Variants in PMEPA1 observed in about 807,000 individuals in gnomAD.
PMEPA1 encodes the protein protein TMEPAI.
PMEPA1 carries 11 observed loss-of-function variants against 23.0 expected under a neutral mutation model. That is an observed-to-expected ratio of 0.48 (90% CI 0.30 to 0.79). The LOEUF (loss-of-function observed/expected upper bound fraction) is 0.79. PMEPA1 is among the 30% of genes least tolerant of loss of function. PMEPA1 has a pLI of 0.06. For synonymous variants in PMEPA1, 204 were observed against 166.4 expected (o/e 1.23, Z -1.74); for missense variants, 377 against 390.9 (o/e 0.96, Z 0.30).
intron 1 of PMEPA1, among the ~76,000 whole-genome samples, chr20:57,674,756 C>T (rs901528387): frequency 2.6e-5 from 4 of 152,220 alleles, no homozygotes; most frequent in African/African-American, 9.7e-5. Flanking sequence ...ATATATTTAT[C>T]GTGCCCCTGC....
Position 57,649,521 on chromosome 20 carries a change from T to A in PMEPA1, c.*2532A>T, listed in dbSNP as rs1237476839. The A allele has an allele frequency of 3.9e-5, 6 of 152,378 alleles. No individual in the cohort carries two copies. The South Asian group carries it at 8.3e-4, about 21-fold the overall frequency. 9.4% of individuals were successfully genotyped at this position (152,378 alleles called of 1,614,324 possible). On this transcript the variant is annotated 3_prime_UTR_variant, in exon 4 of 4. Coordinates refer to ENST00000341744, the MANE Select transcript of PMEPA1 (RefSeq NM_020182.5). ...TCCTCCCCTTTCTCACGCAAAGCCA[T>A]TCCCACAAATCCAGACCATACCATG...
rs553876417 is a variant in PMEPA1, at chr20:57,674,280, T to C, written c.110-14583A>G. ...TCATTCTCTCCCCCCTCCTTCCATGTGCTGGCACCAAGGAACGGCCATGTG... is the reference window on the plus strand; with the variant it reads ...TCATTCTCTCCCCCCTCCTTCCATGCGCTGGCACCAAGGAACGGCCATGTG... On this transcript the variant is annotated intron_variant, in intron 1 of 3. Coordinates refer to ENST00000341744, the MANE Select transcript of PMEPA1 (RefSeq NM_020182.5). 5.9e-5 allele frequency among the ~76,000 whole-genome samples: 9 copies of C among 152,306 alleles called. No individual in the cohort carries two copies. In the East Asian group the frequency reaches 1.7e-3, roughly 29 times the overall value.
At chr20:57,707,248 T>C (rs1034609056) in intron 1 of PMEPA1, among the ~76,000 whole-genome samples, 43 of 152,184 alleles carry the variant, frequency 2.8e-4, no homozygotes, top group African/African-American at 1.0e-3. Context: ...CCTTCCCTCC[T>C]TCCTTCCTAT....
chr20:57,695,095 T>C (rs1018298694), intron 1 of PMEPA1, among the ~76,000 whole-genome samples: 2 of 152,256 alleles, frequency 1.3e-5, no homozygotes, highest in African/African-American at 4.8e-5. Flanking sequence ...AGGTCCACGC[T>C]GTCTGGGAGG....
At chr20:57,693,092 C>T (rs1287317037) in intron 1 of PMEPA1, among the ~76,000 whole-genome samples, 4 of 152,222 alleles carry the variant, frequency 2.6e-5, no homozygotes, top group African/African-American at 7.2e-5. Flanking sequence ...CGGGAGTGGC[C>T]GCCTCGCTCT....
chr20:57,659,380 C>T (rs949550036), intron 2 of PMEPA1, among the ~76,000 whole-genome samples, 163 bp downstream of exon 2: 3 of 152,250 alleles, frequency 2.0e-5, no homozygotes, highest in African/African-American at 7.2e-5. Flanking sequence ...GCTTTCCTCC[C>T]ATTTCAGGGG....
intron 1 of PMEPA1, 91 bp downstream of exon 1, chr20:57,709,383 C>T (rs2146722016): frequency 1.1e-6 from 1 of 921,508 alleles, no homozygotes; most frequent in Non-Finnish European, 1.3e-6. Flanking sequence ...CGAGGGGGCG[C>T]GCAGGGCCCG....
chr20:57,652,759 G>C lies in PMEPA1; in HGVS notation c.319-161C>G, dbSNP rs192201837. Among the ~76,000 whole-genome samples the C allele has an allele frequency of 3.9e-5, 6 of 152,080 alleles. No homozygotes were observed. Among genetic ancestry groups the C allele is most frequent in the Non-Finnish European group, 8.8e-5 (6 of 67,978 alleles). On this transcript the variant is annotated intron_variant, in intron 3 of 3. Transcript: ENST00000341744. This position sits in a 1 kb window ranked among gnomAD's most constrained non-coding sequence, Gnocchi z 6.1. ...GCGGGAGCCCAGAGCCTGATCCCGCGGGGGCCCTGGCCTGGGGGGCAGCAC... is the reference window on the plus strand; with the variant it reads ...GCGGGAGCCCAGAGCCTGATCCCGCCGGGGCCCTGGCCTGGGGGGCAGCAC...
intron 1 of PMEPA1, 21 bp from the exon 2 acceptor site, chr20:57,659,718 A>AC (rs1469666998): frequency 1.3e-6 from 2 of 1,555,084 alleles, no homozygotes; most frequent in East Asian, 2.4e-5. Flanking sequence ...AAAGAGGGAC[A>AC]CGTGAGACCC....
At position 57,651,698 on chromosome 20, in the gene PMEPA1, G is replaced by A. The variant is rs2071230873; in HGVS notation, c.*355C>T. The A allele has an allele frequency of 6.4e-6, 1 of 156,382 alleles. No homozygotes were observed. The highest frequency in any genetic ancestry group is 6.5e-5 in the Admixed American group (1 of 15,372). The allele number at this position is 156,382 out of a possible 1,614,324, so 9.7% of individuals were successfully genotyped here. On this transcript the variant is annotated 3_prime_UTR_variant, in exon 4 of 4. Transcript: ENST00000341744. Reference sequence around the variant, plus strand: ...TTAAACAAAGGTTTTGTGCAAATATGTCTTTAAAGTTAAGTGAAATTATCA... The same window carrying A: ...TTAAACAAAGGTTTTGTGCAAATATATCTTTAAAGTTAAGTGAAATTATCA...
chr20:57,679,159 C>A (rs963045005), intron 1 of PMEPA1, among the ~76,000 whole-genome samples: 1 of 152,138 alleles, frequency 6.6e-6, no homozygotes, highest in Non-Finnish European at 1.5e-5. Flanking sequence ...GACAGCCTTT[C>A]GGAGGAGGTG....
At chr20:57,692,689 C>T (rs946792013) in intron 1 of PMEPA1, among the ~76,000 whole-genome samples, 3 of 152,202 alleles carry the variant, frequency 2.0e-5, no homozygotes, top group Non-Finnish European at 4.4e-5. Flanking sequence ...ACTGGCAGGG[C>T]GGCTTGTGGA....
At chr20:57,690,695 A>C in intron 1 of PMEPA1, 1 of 677,302 alleles carries the variant, frequency 1.5e-6, no homozygotes, top group Non-Finnish European at 2.1e-6. Flanking sequence ...GCAGATGAAG[A>C]TCTGGCTTCT....
intron 1 of PMEPA1, among the ~76,000 whole-genome samples, chr20:57,661,211 A>G (rs1010696614): frequency 6.6e-6 from 1 of 152,150 alleles, no homozygotes; most frequent in Non-Finnish European, 1.5e-5. Context: ...GAATAGGAAG[A>G]AGGTTATTTT....
chr20:57,679,375 T>C (rs2071680556), intron 1 of PMEPA1, among the ~76,000 whole-genome samples: 1 of 152,152 alleles, frequency 6.6e-6, no homozygotes, highest in African/African-American at 2.4e-5. Flanking sequence ...TTCCTGCAGG[T>C]GGCCATGGGT....
Position 57,651,856 on chromosome 20 carries a change from T to G in PMEPA1, c.*197A>C. On this transcript the variant is annotated 3_prime_UTR_variant, in exon 4 of 4. Transcript: ENST00000341744. Reference sequence around the variant, plus strand: ...CGTGGTTTTTTTTTTTCTTTTTTCTTTTTTTTTTTGCAAGCTCTCTTAGCT... The same window carrying G: ...CGTGGTTTTTTTTTTTCTTTTTTCTGTTTTTTTTTGCAAGCTCTCTTAGCT... 1 of 363,722 alleles carries G rather than the reference T, an allele frequency of 2.7e-6. No homozygotes were observed. The highest frequency in any genetic ancestry group is 3.1e-5 in the African/African-American group (1 of 32,490). The allele number at this position is 363,722 out of a possible 1,614,324, so 22.5% of individuals were successfully genotyped here.
At position 57,652,100 on chromosome 20, in the gene PMEPA1, C is replaced by G; in HGVS notation, c.817G>C (p.Ala273Pro). 6.4e-7 allele frequency: 1 copy of G among 1,561,710 alleles called. No individual in the cohort carries two copies. Among genetic ancestry groups the G allele is most frequent in the Non-Finnish European group, 8.7e-7 (1 of 1,150,876 alleles). The change falls in exon 4 of 4, where the codon GCC (alanine) becomes CCC (proline). Residue 273 changes from alanine (A) to proline (P), a missense_variant. Around this residue, in one of 3 missense-constraint regions of PMEPA1, gnomAD observed 176 missense variants for 173.0 expected, o/e 1.02. Transcript: ENST00000341744. The surrounding 1 kb of genome is among the most constrained non-coding windows in gnomAD (Gnocchi z 6.1). ...HTHIAPLESA[A>P]IWSKEKDKQK... is the part of the protein sequence containing the mutation. ...TTATCCTTCTCTTTGCTCCAGATGG[C>G]TGCGCTCTCTAGGGGCGCGATGTGT...
At chr20:57,690,670 T>C in intron 1 of PMEPA1, 1 of 878,188 alleles carries the variant, frequency 1.1e-6, no homozygotes, top group Non-Finnish European at 1.5e-6. Flanking sequence ...GGCTCTGTCC[T>C]GGGAAACACT....
chr20:57,662,991 C>T (rs913478669), intron 1 of PMEPA1, among the ~76,000 whole-genome samples: 5 of 152,194 alleles, frequency 3.3e-5, no homozygotes, highest in African/African-American at 7.2e-5. Context: ...CTCCTGGCCC[C>T]GCCAGGCTCG....
Sources: gnomAD v4.1 joint callset for allele counts (sites outside exome capture counted in the v4.1 genomes callset) on GRCh38, gnomAD v4.1.1 for gene constraint, gnomAD v4.1.1 regional missense constraint, Gnocchi (gnomAD v3.1) non-coding constraint, MANE v1.5 for transcripts, NCBI Gene and HGNC (gene_info 2026-07-23, HGNC 2026-07-21) for gene names.